XRCC4: variants seen among roughly 807,000 people sequenced by gnomAD.
The protein encoded by XRCC4 is DNA repair protein XRCC4.
A neutral mutation model predicts 39.1 loss-of-function variants in XRCC4; 28 were observed. That is an observed-to-expected ratio of 0.72 (90% CI 0.53 to 0.98). The LOEUF (loss-of-function observed/expected upper bound fraction) is 0.98. XRCC4 is among the 50% of genes least tolerant of loss of function. The probability of loss-of-function intolerance (pLI) is 0.00; values close to 1 mark genes in which losing one functional copy is unlikely to be tolerated. For synonymous variants in XRCC4, 123 were observed against 126.4 expected, an observed-to-expected ratio of 0.97 and a Z score of 0.18; for missense variants, 350 against 376.4, an observed-to-expected ratio of 0.93 and a Z score of 0.58.
intron 3 of XRCC4, among the ~76,000 whole-genome samples, chr5:83,155,974 C>T (rs1001356383): frequency 6.6e-6 from 1 of 152,004 alleles, no homozygotes; most frequent in African/African-American, 2.4e-5. Flanking sequence ...CACTCTCAAG[C>T]CTGGTACCAG....
intron 1 of XRCC4, among the ~76,000 whole-genome samples, chr5:83,102,575 A>G (rs1745992064): frequency 1.3e-5 from 2 of 152,162 alleles, no homozygotes; most frequent in African/African-American, 2.4e-5. Flanking sequence ...TTGTTCCAGA[A>G]TCAGAACTGG....
chr5:83,287,379 C>A (rs1236046261), intron 7 of XRCC4, among the ~76,000 whole-genome samples: 1 of 151,972 alleles, frequency 6.6e-6, no homozygotes, highest in African/African-American at 2.4e-5. Context: ...AATAGCACAG[C>A]TTTCTATGCC....
At chr5:83,146,322 AC>A (rs1446795679) in intron 3 of XRCC4, among the ~76,000 whole-genome samples, 1 of 152,200 alleles carries the variant, frequency 6.6e-6, no homozygotes, top group African/African-American at 2.4e-5. Flanking sequence ...GCTATTTCAA[AC>A]TGAATTGGAA....
At chr5:83,108,063 T>C (rs1746281678) in intron 2 of XRCC4, among the ~76,000 whole-genome samples, 1 of 151,952 alleles carries the variant, frequency 6.6e-6, no homozygotes, top group Non-Finnish European at 1.5e-5. Context: ...TTTTCAGTGT[T>C]AAAGTGAGTC....
chr5:83,360,895 AACTG>A, the XRCC4 span, among the ~76,000 whole-genome samples: 6 of 152,172 alleles, frequency 3.9e-5, no homozygotes, highest in African/African-American at 1.4e-4. Flanking sequence ...TTTTGACAAT[AACTG>A]ACTAATACTT....
At chr5:83,336,722 G>A (rs2112185398) in intron 7 of XRCC4, among the ~76,000 whole-genome samples, 1 of 152,272 alleles carries the variant, frequency 6.6e-6, no homozygotes, top group South Asian at 2.1e-4. Context: ...GGTTGTGAGT[G>A]TACGTGTGCT....
chr5:83,230,110 A>G (rs539580758), intron 6 of XRCC4, among the ~76,000 whole-genome samples: 1 of 151,878 alleles, frequency 6.6e-6, no homozygotes, highest in East Asian at 1.9e-4. Flanking sequence ...AGCATGTTTG[A>G]TTTGGAAGTG....
chr5:83,356,637 A>G, downstream of XRCC4: 1 of 404,980 alleles, frequency 2.5e-6, no homozygotes, highest in South Asian at 1.9e-5. Context: ...TTCTTACCTT[A>G]TATAGACAGA....
intron 7 of XRCC4, among the ~76,000 whole-genome samples, chr5:83,302,398 T>G (rs1289751158): frequency 6.6e-6 from 1 of 152,212 alleles, no homozygotes; most frequent in Non-Finnish European, 1.5e-5. Context: ...GTGTAGTGTC[T>G]GGGCTGGAGT....
At chr5:83,202,315 G>T (rs1221572936) in intron 4 of XRCC4, among the ~76,000 whole-genome samples, 1 of 152,200 alleles carries the variant, frequency 6.6e-6, no homozygotes. Flanking sequence ...ACTATGCTGG[G>T]CACTGAGGAT....
At chr5:83,251,198 T>C (rs1003296067) in intron 6 of XRCC4, among the ~76,000 whole-genome samples, 6 of 152,186 alleles carry the variant, frequency 3.9e-5, no homozygotes, top group African/African-American at 1.4e-4. Context: ...TCTGAAGAAC[T>C]GAATTCCTTT....
chr5:83,163,075 T>C (rs1299784524), intron 3 of XRCC4, among the ~76,000 whole-genome samples: 1 of 151,700 alleles, frequency 6.6e-6, no homozygotes, highest in Non-Finnish European at 1.5e-5. Context: ...GCCTCATGAA[T>C]AGCTGGGATT....
At chr5:83,194,293 G>A (rs577120023) in intron 3 of XRCC4, among the ~76,000 whole-genome samples, 1 of 152,204 alleles carries the variant, frequency 6.6e-6, no homozygotes, top group Admixed American at 6.5e-5. Flanking sequence ...ACTCAGAGAG[G>A]TTTCAAAAGG....
At chr5:83,096,525 T>A (rs1265119056) in intron 1 of XRCC4, among the ~76,000 whole-genome samples, 2 of 152,054 alleles carry the variant, frequency 1.3e-5, no homozygotes, top group Non-Finnish European at 2.9e-5. Flanking sequence ...AGGAGCCCAA[T>A]CTGTGTGTCC....
chr5:83,216,904 A>G (rs999657088), intron 6 of XRCC4, among the ~76,000 whole-genome samples: 1 of 152,226 alleles, frequency 6.6e-6, no homozygotes, highest in Non-Finnish European at 1.5e-5. Flanking sequence ...TTGTACAAGT[A>G]TAAATTGCTA....
rs539067186 is a variant in XRCC4, at chr5:83,261,358, C to T, written c.893+2681C>T. On this transcript the variant is annotated intron_variant, in intron 7 of 7. Transcript: ENST00000396027. ...TCAAAAACATAAACATCAATTAGGT[C>T]ATGTACCCTATCTGTAGACTCACAA... Among the ~76,000 whole-genome samples, 6 of 152,122 alleles carry T rather than the reference C, an allele frequency of 3.9e-5. 1 individual carries two copies. In the South Asian group the frequency reaches 1.2e-3, roughly 32 times the overall value.
chr5:83,207,054 G>C (rs1751449417), intron 6 of XRCC4, among the ~76,000 whole-genome samples: 1 of 152,034 alleles, frequency 6.6e-6, no homozygotes, highest in Non-Finnish European at 1.5e-5. Flanking sequence ...AGTTATGCTT[G>C]TTTTACCCTA....
intron 7 of XRCC4, among the ~76,000 whole-genome samples, chr5:83,348,013 A>G (rs1045604620): frequency 2.6e-5 from 4 of 152,334 alleles, no homozygotes; most frequent in Non-Finnish European, 4.4e-5. Flanking sequence ...CTTTGACTCC[A>G]TGTCTCACAT....
chr5:83,219,301 G>A (rs1247589102), intron 6 of XRCC4, among the ~76,000 whole-genome samples: 2 of 151,892 alleles, frequency 1.3e-5, no homozygotes, highest in Non-Finnish European at 2.9e-5. Context: ...CTTTTTTTGG[G>A]TGTGTTGGGG....
Sources: allele counts gnomAD v4.1 joint callset (sites outside exome capture counted in the v4.1 genomes callset), GRCh38; gene constraint gnomAD v4.1.1; transcripts MANE v1.5; gene names NCBI Gene and HGNC (gene_info 2026-07-23, HGNC 2026-07-21).